Variants in PLXNC1 observed in about 807,000 individuals in gnomAD.
PLXNC1 encodes the protein plexin-C1.
Under a neutral mutation model 178.2 loss-of-function variants are expected in PLXNC1, and 75 were observed. The observed-to-expected ratio is 0.42, with a 90% confidence interval of 0.35 to 0.51. The LOEUF is 0.51. Ranked by LOEUF, PLXNC1 falls within the 20% of genes least tolerant of loss-of-function variation. PLXNC1 has a pLI of 0.02. For synonymous variants in PLXNC1, 790 were observed against 779.9 expected (o/e 1.01, Z -0.22); for missense variants, 1,503 against 1,984.4 (o/e 0.76, Z 4.61).
At chr12:94,289,524 G>A (rs1436429873) in intron 23 of PLXNC1, among the ~76,000 whole-genome samples, 4 of 152,158 alleles carry the variant, frequency 2.6e-5, no homozygotes, top group Non-Finnish European at 5.9e-5. Context: ...CATCCCTAAA[G>A]TAGGGGCCCA....
chr12:94,209,243 A>T (rs1963393084), intron 4 of PLXNC1, among the ~76,000 whole-genome samples: 1 of 152,198 alleles, frequency 6.6e-6, no homozygotes, highest in African/African-American at 2.4e-5. Context: ...TTTGCTAGGC[A>T]TTTCTAAAAG....
chr12:94,187,526 G>T (rs1962561909), intron 4 of PLXNC1, among the ~76,000 whole-genome samples: 1 of 152,184 alleles, frequency 6.6e-6, no homozygotes, highest in Non-Finnish European at 1.5e-5. Flanking sequence ...CTTCCTTACC[G>T]GGCTGTTTCC....
intron 15 of PLXNC1, chr12:94,254,506 A>C (rs899783925): frequency 1.4e-5 from 8 of 573,258 alleles, no homozygotes; most frequent in East Asian, 7.9e-5. Flanking sequence ...GTTACAAGTG[A>C]AGGTTATTTG....
At chr12:94,162,986 C>T (rs1961446262) in intron 1 of PLXNC1, among the ~76,000 whole-genome samples, 1 of 152,148 alleles carries the variant, frequency 6.6e-6, no homozygotes, top group Admixed American at 6.5e-5. Flanking sequence ...TCACACAGGA[C>T]AGCTCCCATA....
chr12:94,189,940 G>A (rs1341149757), intron 4 of PLXNC1, among the ~76,000 whole-genome samples: 1 of 152,170 alleles, frequency 6.6e-6, no homozygotes, highest in Non-Finnish European at 1.5e-5. Flanking sequence ...AAGTGGCCAG[G>A]GCTGGGGTGG....
intron 1 of PLXNC1, among the ~76,000 whole-genome samples, chr12:94,156,708 C>T (rs7295500): frequency 0.85 from 121,870 of 143,804 alleles, 51,393 homozygotes; most frequent in East Asian, 0.97. Flanking sequence ...AACTTTCTTT[C>T]TTTTTTTTTT....
rs3060881 is a variant in PLXNC1 at position 94,274,155 on chromosome 12, T to TAAAAAAA, written c.3598-5291_3598-5285dup. Among the ~76,000 whole-genome samples the TAAAAAAA allele has an allele frequency of 6.9e-3, 313 of 45,368 alleles. 31 individuals carry two copies. Among genetic ancestry groups the TAAAAAAA allele is most frequent in the African/African-American group, 0.035 (295 of 8,470 alleles). 29.8% of individuals were successfully genotyped at this position (45,368 alleles called of 152,430 possible). On this transcript the variant is annotated intron_variant, in intron 21 of 30. Coordinates refer to ENST00000258526, the MANE Select transcript of PLXNC1 (RefSeq NM_005761.3). ...GGGCAACACAGCAAGACCCTGTCTC[T>TAAAAAAA]AAAAAAAAAAAAAAAAAAAAAAAAA...
chr12:94,298,894 T>G, intron 27 of PLXNC1, 99 bp downstream of exon 27: 3 of 1,151,432 alleles, frequency 2.6e-6, no homozygotes, highest in Non-Finnish European at 3.7e-6. Flanking sequence ...CATTTATCTC[T>G]ATATCAGAAT....
At position 94,303,993 on chromosome 12, in the gene PLXNC1, T is replaced by C; in HGVS notation, c.4544T>C (p.Phe1515Ser). 6.2e-7 allele frequency: 1 copy of C among 1,603,074 alleles called. No individual in the cohort carries two copies. Among genetic ancestry groups the C allele is most frequent in the Non-Finnish European group, 8.5e-7 (1 of 1,170,594 alleles). Reference protein sequence around the residue: ...TQESKKHENEFNEEVALTEIY... With the variant: ...TQESKKHENESNEEVALTEIY... ...TTCTTTTAGAAACATGAAAATGAAT[T>C]TAATGAAGAAGTGGCCTTGACAGAA... Residue 1515 changes from phenylalanine (F) to serine (S), a missense_variant, in exon 30 of 31, where the codon TTT (phenylalanine) becomes TCT (serine). By Grantham distance (155) the Phe-to-Ser change is radical. Transcript: ENST00000258526.
chr12:94,170,472 T>C (rs779353743), intron 2 of PLXNC1, among the ~76,000 whole-genome samples: 2 of 152,168 alleles, frequency 1.3e-5, no homozygotes, highest in Non-Finnish European at 2.9e-5. Context: ...TACGGCACCT[T>C]ATGTGTCTAT....
chr12:94,245,534 A>T lies in PLXNC1; in HGVS notation c.2388+1509A>T, dbSNP rs542481583. 3.7e-3 allele frequency among the ~76,000 whole-genome samples: 561 copies of T among 152,284 alleles called. 8 individuals carry two copies. Among genetic ancestry groups the T allele is most frequent in the African/African-American group, 0.013 (526 of 41,536 alleles). The stretch of plus-strand genomic sequence containing the variant: ...CCATCTCTATAAAATAAAAATTAAA[A>T]AAGTTGACAGCACAGAGTATCATCA... On this transcript the variant is annotated intron_variant, in intron 12 of 30. Transcript: ENST00000258526.
chr12:94,165,441 A>G (rs969802600), intron 1 of PLXNC1, among the ~76,000 whole-genome samples: 3 of 152,222 alleles, frequency 2.0e-5, no homozygotes, highest in Non-Finnish European at 4.4e-5. Context: ...CATGAGGTCC[A>G]AGCCTCCTCT....
Position 94,188,956 on chromosome 12 carries a change from A to C in PLXNC1, c.1439+2483A>C, listed in dbSNP as rs987739395. 1.3e-5 allele frequency among the ~76,000 whole-genome samples: 2 copies of C among 150,134 alleles called. 1 individual carries two copies. The highest frequency in any genetic ancestry group is 3.0e-5 in the Non-Finnish European group (2 of 67,142). Reference sequence around the variant, plus strand: ...TTGAGAATGAGGTGAGGGAGGAAGCACTGGAGGTTTGAGGAGAAAAGAGAG... The same window carrying C: ...TTGAGAATGAGGTGAGGGAGGAAGCCCTGGAGGTTTGAGGAGAAAAGAGAG... On this transcript the variant is annotated intron_variant, in intron 4 of 30. Transcript: ENST00000258526.
intron 21 of PLXNC1, among the ~76,000 whole-genome samples, chr12:94,274,104 T>G (rs1965758595): frequency 7.3e-6 from 1 of 137,284 alleles, no homozygotes; most frequent in African/African-American, 2.8e-5. Context: ...GAGGATCACT[T>G]GAGCTCAGGA....
At chr12:94,271,465 G>A (rs765457285) in intron 21 of PLXNC1, among the ~76,000 whole-genome samples, 40 of 152,320 alleles carry the variant, frequency 2.6e-4, no homozygotes, top group African/African-American at 6.3e-4. Flanking sequence ...ATCATGTGAC[G>A]GGACGATGGG....
chr12:94,299,336 C>T (rs778879874), intron 27 of PLXNC1, among the ~76,000 whole-genome samples: 2 of 152,158 alleles, frequency 1.3e-5, no homozygotes, highest in Non-Finnish European at 2.9e-5. Context: ...AGAAATGTAG[C>T]TCATGAGCTC....
At position 94,227,496 on chromosome 12, in the gene PLXNC1, C is replaced by G. The variant is rs1253019299; in HGVS notation, c.1980+261C>G. 1.3e-5 allele frequency: 4 copies of G among 311,176 alleles called. No individual in the cohort carries two copies. In the East Asian group the frequency reaches 2.7e-4, roughly 21 times the overall value. The allele number at this position is 311,176 out of a possible 1,614,324, so 19.3% of individuals were successfully genotyped here. On this transcript the variant is annotated intron_variant, in intron 9 of 30. Transcript: ENST00000258526. ...GGTCGAAATAAAATTGTAAAGGTGA[C>G]TTTGCGGCTCACTGGTGAAGAGCTG...
Position 94,210,619 on chromosome 12 carries a change from T to C in PLXNC1, c.1554+915T>C, listed in dbSNP as rs114218579. Reference sequence around the variant, plus strand: ...ATAGCAAGAACTTTACCACTTACGATGATTTAACATTTAATAAAGGAGAGC... The same window carrying C: ...ATAGCAAGAACTTTACCACTTACGACGATTTAACATTTAATAAAGGAGAGC... On this transcript the variant is annotated intron_variant, in intron 5 of 30. Coordinates refer to ENST00000258526, the MANE Select transcript of PLXNC1 (RefSeq NM_005761.3). 6.3e-3 allele frequency among the ~76,000 whole-genome samples: 959 copies of C among 152,338 alleles called. 13 individuals carry two copies. Among genetic ancestry groups the C allele is most frequent in the African/African-American group, 0.022 (910 of 41,570 alleles).
At chr12:94,286,686 G>T (rs1726903) in intron 23 of PLXNC1, among the ~76,000 whole-genome samples, 6,856 of 145,492 alleles carry the variant, frequency 0.047, 211 homozygotes, top group Non-Finnish European at 0.073. Context: ...AAGTGAATCA[G>T]ACTCACCTCC....
Sources: gnomAD v4.1 joint callset for allele counts (sites outside exome capture counted in the v4.1 genomes callset) on GRCh38, gnomAD v4.1.1 for gene constraint, MANE v1.5 for transcripts, NCBI Gene and HGNC (gene_info 2026-07-23, HGNC 2026-07-21) for gene names.